MOV10L1: variants seen among roughly 807,000 people sequenced by gnomAD.
The protein encoded by MOV10L1 is Mov10 like RNA helicase 1.
Under a neutral mutation model 143.8 loss-of-function variants are expected in MOV10L1, and 110 were observed. That is an observed-to-expected ratio of 0.76 (90% CI 0.66 to 0.90). MOV10L1 has a LOEUF of 0.90. Ranked by LOEUF, MOV10L1 falls within the 40% of genes least tolerant of loss-of-function variation. MOV10L1 has a pLI of 0.00. For synonymous variants in MOV10L1, 593 were observed against 581.1 expected (o/e 1.02, Z -0.29); for missense variants, 1,406 against 1,526.8 (o/e 0.92, Z 1.32).
chr22:50,090,012 G>GGCGGGCGGCGGGAGCGGCGCGGGCGCGT lies in MOV10L1; in HGVS notation c.-65_-38dup. 2 of 1,108,272 alleles carry GGCGGGCGGCGGGAGCGGCGCGGGCGCGT rather than the reference G, an allele frequency of 1.8e-6. No homozygotes were observed. The highest frequency in any genetic ancestry group is 1.7e-5 in the African/African-American group (1 of 60,342). 68.7% of individuals were successfully genotyped at this position (1,108,272 alleles called of 1,614,324 possible). A position where few individuals can be genotyped will look rare whatever the true frequency, so the allele number is the denominator to read the frequency against. ...GCCCAGGCGCGGCGACCCCATTGGTGGCGGGCGGCGGGAGCGGCGCGGGCG... is the reference window on the plus strand; with the variant it reads ...GCCCAGGCGCGGCGACCCCATTGGTGGCGGGCGGCGGGAGCGGCGCGGGCGCGTGCGGGCGGCGGGAGCGGCGCGGGCG... On this transcript the variant is annotated 5_prime_UTR_variant, in exon 1 of 27. Coordinates refer to ENST00000262794, the MANE Select transcript of MOV10L1 (RefSeq NM_018995.3).
At chr22:50,160,582 C>A (rs1375975368) in intron 24 of MOV10L1, 106 bp from the exon 25 acceptor site, 3 of 1,395,832 alleles carry the variant, frequency 2.1e-6, no homozygotes, top group East Asian at 2.4e-5. Context: ...AAAATGAGGT[C>A]ATTCTGCTAT....
At chr22:50,132,914 T>C (rs139772230) in intron 13 of MOV10L1, among the ~76,000 whole-genome samples, 72 of 152,230 alleles carry the variant, frequency 4.7e-4, no homozygotes, top group South Asian at 1.5e-3. Context: ...TGGTCACCTG[T>C]AATCCCAGCT....
intron 22 of MOV10L1, among the ~76,000 whole-genome samples, chr22:50,156,997 C>A (rs2063443296): frequency 6.6e-6 from 1 of 152,194 alleles, no homozygotes; most frequent in African/African-American, 2.4e-5. Flanking sequence ...GTTCCAGTTT[C>A]CCCACATCCT....
At chr22:50,124,360 C>T (rs1226526634) in intron 10 of MOV10L1, among the ~76,000 whole-genome samples, 1 of 152,130 alleles carries the variant, frequency 6.6e-6, no homozygotes, top group Non-Finnish European at 1.5e-5. Context: ...TAATTCTTAT[C>T]TTTGCTCTTT....
rs1045400830 is a variant in MOV10L1 at position 50,131,130 on chromosome 22, A to G, written c.1910+2623A>G. ...TCACTGTGTTAGCCAGAATGGTCTC[A>G]ATCTCCTGACCTTGTGATCTGCCCA... On this transcript the variant is annotated intron_variant, in intron 13 of 26. Coordinates refer to ENST00000262794, the MANE Select transcript of MOV10L1 (RefSeq NM_018995.3). Among the ~76,000 whole-genome samples, 9 of 148,326 alleles carry G rather than the reference A, an allele frequency of 6.1e-5. No individual in the cohort carries two copies. In the East Asian group the frequency reaches 1.4e-3, roughly 23 times the overall value.
At chr22:50,108,942 C>G in intron 5 of MOV10L1, 98 bp downstream of exon 5, 2 of 1,173,784 alleles carry the variant, frequency 1.7e-6, no homozygotes, top group Non-Finnish European at 2.4e-6. Flanking sequence ...GTTGGGAGTT[C>G]AAGACCAGCC....
At chr22:50,121,392 C>T (rs1464462226) in intron 10 of MOV10L1, among the ~76,000 whole-genome samples, 1 of 152,196 alleles carries the variant, frequency 6.6e-6, no homozygotes, top group East Asian at 1.9e-4. Context: ...CTTATTCTGG[C>T]AGACGCCCCA....
chr22:50,125,846 G>A (rs1346771436), intron 11 of MOV10L1, among the ~76,000 whole-genome samples: 1 of 151,952 alleles, frequency 6.6e-6, no homozygotes, highest in Non-Finnish European at 1.5e-5. Context: ...GGAGTGCAGT[G>A]GCGCAATCTC....
chr22:50,147,099 G>A (rs5771080), intron 19 of MOV10L1: 179,957 of 1,483,260 alleles, frequency 0.12, 17,283 homozygotes, highest in East Asian at 0.27. Context: ...AGGGCTCTTT[G>A]GGGGCAGAGC....
chr22:50,127,451 G>A (rs957255727), intron 12 of MOV10L1, among the ~76,000 whole-genome samples: 7 of 152,216 alleles, frequency 4.6e-5, no homozygotes, highest in Admixed American at 1.3e-4. Context: ...TCAGGACTTG[G>A]TCTGTCTTCC....
chr22:50,090,590 C>T (rs1332035930), intron 1 of MOV10L1: 7 of 1,521,118 alleles, frequency 4.6e-6, no homozygotes, highest in African/African-American at 1.4e-5. Context: ...CCAAGGCGTG[C>T]CATTTCCTTG....
intron 8 of MOV10L1, among the ~76,000 whole-genome samples, chr22:50,116,395 C>G (rs111973355): frequency 0.011 from 1,557 of 147,860 alleles, 27 homozygotes; most frequent in African/African-American, 0.037. Context: ...TGCAGTGAGC[C>G]GAGATCACGC....
At chr22:50,145,667 C>T (rs1197214203) in intron 18 of MOV10L1, 22 bp from the exon 19 acceptor site, 1 of 1,613,384 alleles carries the variant, frequency 6.2e-7, no homozygotes, top group Non-Finnish European at 8.5e-7. Context: ...AGTAAACTAA[C>T]TCTACGCCTC....
chr22:50,114,845 G>A (rs1285427351), intron 7 of MOV10L1, among the ~76,000 whole-genome samples: 6 of 152,286 alleles, frequency 3.9e-5, no homozygotes, highest in East Asian at 3.9e-4. Flanking sequence ...GATGGCGGCC[G>A]GCTCCTGAGT....
intron 15 of MOV10L1, among the ~76,000 whole-genome samples, chr22:50,136,981 G>A (rs1185929029): frequency 6.6e-6 from 1 of 152,162 alleles, no homozygotes; most frequent in Non-Finnish European, 1.5e-5. Flanking sequence ...TTGACTGAAG[G>A]CTGCTCCGGC....
At chr22:50,091,395 C>G (rs1389066380) in intron 1 of MOV10L1, 1 of 166,982 alleles carries the variant, frequency 6.0e-6, no homozygotes, top group Non-Finnish European at 1.5e-5. Context: ...ACTTGTCTGC[C>G]CAGCCCCGAA....
intron 15 of MOV10L1, among the ~76,000 whole-genome samples, chr22:50,140,970 GA>G (rs1328510472): frequency 2.0e-5 from 3 of 151,706 alleles, no homozygotes; most frequent in Non-Finnish European, 4.4e-5. Context: ...AGATCATAAT[GA>G]AAAAAATTGA....
At chr22:50,106,423 C>T (rs1457579965) in intron 3 of MOV10L1, among the ~76,000 whole-genome samples, 1 of 149,062 alleles carries the variant, frequency 6.7e-6, no homozygotes, top group Non-Finnish European at 1.5e-5. Context: ...ACCTCAGCCT[C>T]ACAAAGTGCT....
chr22:50,144,621 G>T (rs181770835), intron 18 of MOV10L1, among the ~76,000 whole-genome samples: 1 of 150,722 alleles, frequency 6.6e-6, no homozygotes, highest in Non-Finnish European at 1.5e-5. Flanking sequence ...TCGCTGTGTC[G>T]CCCAGGCTGA....
Sources: gnomAD v4.1 joint callset for allele counts (sites outside exome capture counted in the v4.1 genomes callset) on GRCh38, gnomAD v4.1.1 for gene constraint, MANE v1.5 for transcripts, NCBI Gene and HGNC (gene_info 2026-07-23, HGNC 2026-07-21) for gene names.